Variants in BCLAF3 observed in about 807,000 individuals in gnomAD.
The protein encoded by BCLAF3 is BCLAF1 and THRAP3 family member 3, also known as transient octamer binding factor 1.
In BCLAF3, 24 loss-of-function variants were observed where a neutral mutation model predicts 51.2. The ratio of observed to expected loss-of-function variants is 0.47; its 90% CI spans 0.34 to 0.66. BCLAF3 has a LOEUF of 0.66. BCLAF3 is among the 30% of genes least tolerant of loss of function. The probability of loss-of-function intolerance (pLI) is 0.01; values close to 1 mark genes in which losing one functional copy is unlikely to be tolerated. For synonymous variants in BCLAF3, 152 were observed against 176.6 expected, an observed-to-expected ratio of 0.86 and a Z score of 1.10; for missense variants, 465 against 525.1, an observed-to-expected ratio of 0.89 and a Z score of 1.12.
chrX:19,957,497 T>A (rs2071706638), intron 4 of BCLAF3, among the ~76,000 whole-genome samples: 1 of 111,818 alleles, frequency 8.9e-6, no homozygotes, highest in Non-Finnish European at 1.9e-5. Flanking sequence ...GTTGATAAGG[T>A]TTTTTTCTGG....
At position 19,934,506 on chromosome X, in the gene BCLAF3, G is replaced by T. The variant is rs187109460; in HGVS notation, c.1950+1303C>A. On this transcript the variant is annotated intron_variant, in intron 10 of 11. Transcript: ENST00000379682. The stretch of plus-strand genomic sequence containing the variant: ...TTTTTAAAAACTTCGTGTCACACAT[G>T]TAATTTTAGGTACATAAACCATTGG... Among the ~76,000 whole-genome samples the T allele has an allele frequency of 1.5e-3, 172 of 112,331 alleles. 1 individual carries two copies. The highest frequency in any genetic ancestry group is 2.9e-3 in the Non-Finnish European group (157 of 53,274).
rs1333761097 is a variant in BCLAF3, at chrX:19,965,033, A to T, written c.1274+11T>A. On this transcript the variant is annotated intron_variant, in intron 4 of 11. Transcript: ENST00000379682. ...TTATTAAATATCATAAAGAAAAAAC[A>T]AAGATAATACCTGAATGTATCTACT... 1.8e-6 allele frequency: 2 copies of T among 1,114,992 alleles called. No individual in the cohort carries two copies. Among genetic ancestry groups the T allele is most frequent in the Admixed American group, 6.2e-5 (2 of 32,141 alleles). 91.9% of individuals were successfully genotyped at this position (1,114,992 alleles called of 1,213,427 possible). A position where few individuals can be genotyped will look rare whatever the true frequency, so the allele number is the denominator to read the frequency against.
chrX:19,920,006 G>C (rs2070088386), intron 11 of BCLAF3, among the ~76,000 whole-genome samples: 1 of 111,640 alleles, frequency 9.0e-6, no homozygotes. Context: ...TTAACTGATG[G>C]GTGCTGAAAC....
intron 1 of BCLAF3, among the ~76,000 whole-genome samples, chrX:19,972,647 C>T (rs2072294380): frequency 9.0e-6 from 1 of 111,361 alleles, no homozygotes; most frequent in South Asian, 3.8e-4. Context: ...AGCAGTGAAT[C>T]CCCACTTCTC....
chrX:19,985,932 CAGAG>C (rs751970371), intron 1 of BCLAF3, among the ~76,000 whole-genome samples: 1 of 109,852 alleles, frequency 9.1e-6, no homozygotes, highest in Non-Finnish European at 1.9e-5. Context: ...GTCTGAGTGA[CAGAG>C]AGAGACCTTG....
intron 11 of BCLAF3, among the ~76,000 whole-genome samples, chrX:19,919,420 G>A (rs2070053321): frequency 8.9e-6 from 1 of 112,125 alleles, no homozygotes; most frequent in Non-Finnish European, 1.9e-5. Context: ...CATAGTGGGT[G>A]TCTGTAATCC....
At chrX:19,967,146 A>G (rs1382541361) in intron 2 of BCLAF3, among the ~76,000 whole-genome samples, 3 of 111,973 alleles carry the variant, frequency 2.7e-5, no homozygotes, top group Non-Finnish European at 5.6e-5. Context: ...CTAAGATTTA[A>G]TGATGCTACA....
rs1260851701 is a variant in BCLAF3, at chrX:19,961,603, A to T, written c.1274+3441T>A. Reference sequence around the variant, plus strand: ...TATTTTACTCTTTTCTAGAAAAAAAAATCTAATTTATTTTAATAGTTGAAA... The same window carrying T: ...TATTTTACTCTTTTCTAGAAAAAAATATCTAATTTATTTTAATAGTTGAAA... On this transcript the variant is annotated intron_variant, in intron 4 of 11. Transcript: ENST00000379682. Among the ~76,000 whole-genome samples the T allele has an allele frequency of 4.4e-5, 5 of 112,472 alleles. No individual in the cohort carries two copies. In the Admixed American group the frequency reaches 4.7e-4, roughly 11 times the overall value.
chrX:19,989,057 G>C (rs1223362077), intron 1 of BCLAF3, among the ~76,000 whole-genome samples: 2 of 110,203 alleles, frequency 1.8e-5, no homozygotes, highest in East Asian at 5.6e-4. Flanking sequence ...CTAGGGTGTG[G>C]GTAAGGACAC....
intron 4 of BCLAF3, among the ~76,000 whole-genome samples, chrX:19,957,747 C>T (rs2071716762): frequency 9.0e-6 from 1 of 111,628 alleles, no homozygotes. Context: ...TCCTCTACTA[C>T]AAGATCTTTA....
intron 9 of BCLAF3, among the ~76,000 whole-genome samples, chrX:19,936,191 T>C (rs1384068842): frequency 8.9e-6 from 1 of 111,755 alleles, no homozygotes; most frequent in Non-Finnish European, 1.9e-5. Flanking sequence ...AGAAAATGGA[T>C]GATACATCTA....
intron 1 of BCLAF3, among the ~76,000 whole-genome samples, chrX:19,970,900 C>T (rs1341867047): frequency 9.0e-6 from 1 of 111,464 alleles, no homozygotes; most frequent in Non-Finnish European, 1.9e-5. Context: ...ACAGCAACTG[C>T]TAAATAAGTA....
intron 1 of BCLAF3, among the ~76,000 whole-genome samples, chrX:19,988,312 GT>G (rs2072866535): frequency 8.9e-6 from 1 of 112,398 alleles, no homozygotes; most frequent in South Asian, 3.6e-4. Context: ...CCCTGATAAA[GT>G]TTTGAATATA....
At chrX:19,929,496 A>G (rs189662582) in intron 11 of BCLAF3, 10 of 177,371 alleles carry the variant, frequency 5.6e-5, no homozygotes, top group Non-Finnish European at 1.0e-4. Flanking sequence ...CTGAGTTTCC[A>G]TTTCAAAGAT....
chrX:19,917,295 C>T lies in BCLAF3; in HGVS notation c.*10G>A, dbSNP rs377571469. On this transcript the variant is annotated 3_prime_UTR_variant, in exon 12 of 12. Transcript: ENST00000379682. ...TCCTGTAGCGTCATTTCCATTTGTA[C>T]GATTTCAGATTAGATTCCTGTGGCA... 18 of 1,197,563 alleles carry T rather than the reference C, an allele frequency of 1.5e-5. No individual in the cohort carries two copies. The highest frequency in any genetic ancestry group is 1.9e-5 in the Non-Finnish European group (17 of 884,593).
intron 1 of BCLAF3, among the ~76,000 whole-genome samples, chrX:19,985,354 G>GTT (rs2072763304): frequency 8.9e-6 from 1 of 111,811 alleles, no homozygotes; most frequent in Non-Finnish European, 1.9e-5. Context: ...TAAGGTGGGA[G>GTT]TACCACTTGA....
intron 1 of BCLAF3, among the ~76,000 whole-genome samples, chrX:19,988,268 T>C (rs1430677518): frequency 8.9e-6 from 1 of 112,248 alleles, no homozygotes; most frequent in African/African-American, 3.2e-5. Flanking sequence ...CCTTCAACAT[T>C]TGTGCAGATT....
intron 1 of BCLAF3, among the ~76,000 whole-genome samples, chrX:19,985,692 C>T (rs750772354): frequency 4.5e-5 from 5 of 112,185 alleles, no homozygotes; most frequent in East Asian, 5.6e-4. Flanking sequence ...CCTGTAATTC[C>T]GGCACTTTGG....
intron 1 of BCLAF3, among the ~76,000 whole-genome samples, chrX:19,988,313 T>C (rs1245173469): frequency 1.8e-5 from 2 of 112,469 alleles, no homozygotes; most frequent in Admixed American, 1.9e-4. Flanking sequence ...CCTGATAAAG[T>C]TTTGAATATA....
Sources: allele counts gnomAD v4.1 joint callset (sites outside exome capture counted in the v4.1 genomes callset), GRCh38; gene constraint gnomAD v4.1.1; transcripts MANE v1.5; gene names NCBI Gene and HGNC (gene_info 2026-07-23, HGNC 2026-07-21).